GPR89A: variants seen among roughly 807,000 people sequenced by gnomAD.
GPR89A encodes golgi pH regulator A, also known as G protein-coupled receptor 89A.
A neutral mutation model predicts 52.0 loss-of-function variants in GPR89A; 16 were observed. That is an observed-to-expected ratio of 0.31 (90% CI 0.21 to 0.47). The LOEUF (loss-of-function observed/expected upper bound fraction) is 0.47, where lower values mean the gene tolerates loss of function less well. Ranked by LOEUF, GPR89A falls within the 20% of genes least tolerant of loss-of-function variation. The probability of loss-of-function intolerance (pLI) is 1.00; values close to 1 mark genes in which losing one functional copy is unlikely to be tolerated. For missense variants in GPR89A, 135 were observed against 449.4 expected, an observed-to-expected ratio of 0.30 and a Z score of 6.33; for synonymous variants, 55 against 150.9, an observed-to-expected ratio of 0.36 and a Z score of 4.66.
intron 10 of GPR89A, among the ~76,000 whole-genome samples, chr1:145,652,117 A>ATAT (rs1182121556): frequency 7.4e-6 from 1 of 135,546 alleles, no homozygotes; most frequent in Non-Finnish European, 1.6e-5. Context: ...ATTCAGTGTG[A>ATAT]TATTGGCTGT....
chr1:145,655,276 G>C (rs1252854782), intron 10 of GPR89A, among the ~76,000 whole-genome samples: 7 of 152,132 alleles, frequency 4.6e-5, no homozygotes, highest in African/African-American at 1.7e-4. Context: ...TTACTGCCCA[G>C]CTTCTAAAGC....
chr1:145,647,426 C>T (rs144847953), intron 10 of GPR89A, among the ~76,000 whole-genome samples, 159 bp downstream of exon 10: 9 of 152,116 alleles, frequency 5.9e-5, no homozygotes, highest in Non-Finnish European at 1.3e-4. Flanking sequence ...ATTCGTTATC[C>T]TCTCTCCTTT....
intron 7 of GPR89A, among the ~76,000 whole-genome samples, chr1:145,633,159 CAT>C (rs1191847903): frequency 9.3e-6 from 1 of 107,134 alleles, no homozygotes; most frequent in African/African-American, 4.1e-5. Context: ...CCTTATCAGA[CAT>C]ATGGCTTGCA....
chr1:145,608,294 A>G, intron 1 of GPR89A, 119 bp downstream of exon 1: 1 of 1,376,656 alleles, frequency 7.3e-7, no homozygotes, highest in South Asian at 1.2e-5. Context: ...GTCCTGCGCT[A>G]GTCACTCTGG....
Position 145,650,444 on chromosome 1 carries a change from G to A in GPR89A, c.909+3177G>A, listed in dbSNP as rs587635431. ...TATTGTGAATAGTGCTGCAGTGGACGTACATGTGTATGTATCTTTATAATG... is the reference window on the plus strand; with the variant it reads ...TATTGTGAATAGTGCTGCAGTGGACATACATGTGTATGTATCTTTATAATG... On this transcript the variant is annotated intron_variant, in intron 10 of 13. Transcript: ENST00000313835. 9.9e-5 allele frequency among the ~76,000 whole-genome samples: 15 copies of A among 152,132 alleles called. No individual in the cohort carries two copies. In the East Asian group the frequency reaches 1.2e-3, roughly 12 times the overall value.
intron 7 of GPR89A, among the ~76,000 whole-genome samples, chr1:145,639,738 C>T (rs1467437418): frequency 3.1e-5 from 3 of 97,584 alleles, no homozygotes; most frequent in Non-Finnish European, 5.9e-5. Flanking sequence ...CAGAGCAAAA[C>T]TCTGTCTCAA....
At chr1:145,662,825 G>A (rs1553695803) in intron 10 of GPR89A, among the ~76,000 whole-genome samples, 1 of 142,866 alleles carries the variant, frequency 7.0e-6, no homozygotes, top group Non-Finnish European at 1.5e-5. Flanking sequence ...CTTTTCATTG[G>A]TCCCATCTGT....
At chr1:145,632,441 C>G (rs1332837369) in intron 7 of GPR89A, among the ~76,000 whole-genome samples, 4 of 151,968 alleles carry the variant, frequency 2.6e-5, no homozygotes, top group African/African-American at 7.3e-5. Flanking sequence ...ATCATTCTAC[C>G]CTCTGCTTCT....
intron 12 of GPR89A, among the ~76,000 whole-genome samples, chr1:145,666,128 TTGA>T (rs1652535155): frequency 7.2e-6 from 1 of 138,570 alleles, no homozygotes; most frequent in South Asian, 2.6e-4. Flanking sequence ...ACTACATAAA[TTGA>T]TGATGATATA....
chr1:145,658,332 C>T (rs1651954348), intron 10 of GPR89A, among the ~76,000 whole-genome samples: 1 of 146,672 alleles, frequency 6.8e-6, no homozygotes, highest in Non-Finnish European at 1.5e-5. Context: ...TGGCCAGGCA[C>T]AGTGGCAGAT....
chr1:145,627,382 G>A (rs1469190159), intron 5 of GPR89A, among the ~76,000 whole-genome samples: 1 of 151,950 alleles, frequency 6.6e-6, no homozygotes, highest in Admixed American at 6.6e-5. Flanking sequence ...GTTACTGAGT[G>A]ATATTATAGT....
intron 8 of GPR89A, chr1:145,645,652 C>G (rs1650933439): frequency 2.2e-6 from 1 of 453,806 alleles, no homozygotes; most frequent in Non-Finnish European, 4.4e-6. Flanking sequence ...CTGAGCTTCA[C>G]TTTCCTTATG....
At chr1:145,655,743 T>TG (rs200422899) in intron 10 of GPR89A, among the ~76,000 whole-genome samples, 2 of 152,078 alleles carry the variant, frequency 1.3e-5, no homozygotes, top group African/African-American at 2.4e-5. Flanking sequence ...CAACCCCTGG[T>TG]GGGGGGTCTC....
intron 3 of GPR89A, among the ~76,000 whole-genome samples, chr1:145,621,068 C>T (rs1649105277): frequency 6.6e-6 from 1 of 152,056 alleles, no homozygotes; most frequent in East Asian, 1.9e-4. Context: ...TGTATCTAGT[C>T]TAAATGGTAT....
At chr1:145,668,847 G>T (rs1294086974) in intron 12 of GPR89A, among the ~76,000 whole-genome samples, 2 of 152,064 alleles carry the variant, frequency 1.3e-5, no homozygotes, top group Non-Finnish European at 2.9e-5. Flanking sequence ...TTTGTCTTTG[G>T]TTCTGTTTAT....
intron 1 of GPR89A, among the ~76,000 whole-genome samples, chr1:145,608,944 T>C (rs1648045254): frequency 6.6e-6 from 1 of 151,806 alleles, no homozygotes; most frequent in Non-Finnish European, 1.5e-5. Flanking sequence ...TTGTTAATTA[T>C]TGTTTCTTCC....
chr1:145,645,418 A>T (rs1650913105), intron 8 of GPR89A: 1 of 361,300 alleles, frequency 2.8e-6, no homozygotes, highest in Non-Finnish European at 5.4e-6. Flanking sequence ...ATAAAAGCCA[A>T]TAATACGGGT....
chr1:145,616,142 C>T (rs1648672765), intron 1 of GPR89A, 92 bp from the exon 2 acceptor site: 2 of 737,594 alleles, frequency 2.7e-6, no homozygotes, highest in Non-Finnish European at 4.7e-6. Context: ...AGTTAACCGT[C>T]TAGTTAGCAG....
At position 145,658,647 on chromosome 1, in the gene GPR89A, A is replaced by T. The variant is rs1571538929; in HGVS notation, c.910-4682A>T. ...CTTAAAAAAAAAATTCATATTTTCT[A>T]TGGCTGAATAATATCTATTTCATTT... On this transcript the variant is annotated intron_variant, in intron 10 of 13. Transcript: ENST00000313835. Among the ~76,000 whole-genome samples the T allele has an allele frequency of 3.3e-5, 5 of 150,040 alleles. No homozygotes were observed. The South Asian group carries it at 1.1e-3, about 32-fold the overall frequency.
Sources: gnomAD v4.1 joint callset for allele counts (sites outside exome capture counted in the v4.1 genomes callset) on GRCh38, gnomAD v4.1.1 for gene constraint, MANE v1.5 for transcripts, NCBI Gene and HGNC (gene_info 2026-07-23, HGNC 2026-07-21) for gene names.